Variants in GDPD5 observed in about 807,000 individuals in gnomAD.
GDPD5 encodes the protein glycerophosphodiester phosphodiesterase domain containing 5.
Under a neutral mutation model 75.1 loss-of-function variants are expected in GDPD5, and 48 were observed. That is an observed-to-expected ratio of 0.64 (90% confidence interval 0.51 to 0.81). The LOEUF is 0.81. Among genes scored for constraint, GDPD5 ranks in the 40% least tolerant of loss-of-function variants. GDPD5 has a pLI of 0.00. For missense variants in GDPD5, 706 were observed against 822.6 expected (o/e 0.86, Z 1.73); for synonymous variants, 336 against 339.0 (o/e 0.99, Z 0.10).
rs779528500 is a variant in GDPD5, at chr11:75,435,345, G to A, written c.*162C>T. ...GGCCCAGCTGGGCCTCAGGAGACAG[G>A]GAGTCCCCCTCAAGAGAGGCTGCGG... On this transcript the variant is annotated 3_prime_UTR_variant, in exon 17 of 17. Coordinates refer to ENST00000336898, the MANE Select transcript of GDPD5 (RefSeq NM_030792.8). 240 of 585,388 alleles carry A rather than the reference G, an allele frequency of 4.1e-4. No individual in the cohort carries two copies. The highest frequency in any genetic ancestry group is 6.3e-4 in the Non-Finnish European group (221 of 349,362). The allele number at this position is 585,388 out of a possible 1,614,324, so 36.3% of individuals were successfully genotyped here.
At chr11:75,488,922 T>C (rs991010444) in intron 2 of GDPD5, among the ~76,000 whole-genome samples, 4 of 152,184 alleles carry the variant, frequency 2.6e-5, no homozygotes, top group African/African-American at 9.6e-5. Context: ...CACCTGGTGA[T>C]GGGGACACAA....
intron 12 of GDPD5, among the ~76,000 whole-genome samples, chr11:75,442,097 T>C (rs1041219345): frequency 3.9e-5 from 6 of 152,240 alleles, no homozygotes; most frequent in Admixed American, 3.9e-4. Flanking sequence ...TGATGTCAGA[T>C]TTCTCTGGTC....
chr11:75,447,295 A>G (rs1592069295), intron 9 of GDPD5, among the ~76,000 whole-genome samples: 1 of 152,188 alleles, frequency 6.6e-6, no homozygotes, highest in African/African-American at 2.4e-5. Flanking sequence ...GATATTTTCG[A>G]GACAATAAAA....
intron 1 of GDPD5, among the ~76,000 whole-genome samples, chr11:75,524,603 T>C (rs1941592234): frequency 1.3e-5 from 2 of 152,318 alleles, no homozygotes; most frequent in East Asian, 3.9e-4. Context: ...TGGGGATCTC[T>C]GCAGTGAATT....
intron 7 of GDPD5, 44 bp downstream of exon 7, chr11:75,449,841 A>C (rs1407397061): frequency 3.2e-6 from 5 of 1,579,874 alleles, no homozygotes; most frequent in South Asian, 1.1e-5. Flanking sequence ...GAAGTGACAG[A>C]AAGGCTCTTG....
intron 2 of GDPD5, 69 bp from the exon 3 acceptor site, chr11:75,477,864 T>C (rs1461467458): frequency 2.6e-5 from 15 of 569,356 alleles, no homozygotes; most frequent in Admixed American, 3.2e-5. Context: ...CAGCAAGTCA[T>C]TGTAGCCTAG....
intron 4 of GDPD5, among the ~76,000 whole-genome samples, chr11:75,458,066 T>TC (rs1465965533): frequency 6.6e-6 from 1 of 152,100 alleles, no homozygotes; most frequent in East Asian, 1.9e-4. Context: ...TCCTGTGGGT[T>TC]CCCCCGCCCC....
At chr11:75,465,131 G>A (rs1592097090) in intron 3 of GDPD5, among the ~76,000 whole-genome samples, 3 of 152,158 alleles carry the variant, frequency 2.0e-5, no homozygotes, top group South Asian at 4.1e-4. Context: ...ACACCCATCT[G>A]GTCACGTCAT....
At position 75,499,319 on chromosome 11, in the gene GDPD5, A is replaced by T. The variant is rs546056081; in HGVS notation, c.-144-8999T>A. Among the ~76,000 whole-genome samples, 4 of 150,438 alleles carry T rather than the reference A, an allele frequency of 2.7e-5. No homozygotes were observed. The South Asian group carries it at 6.3e-4, about 24-fold the overall frequency. ...CAGCCATCATCATCTGAGCTGGTTT[A>T]TACCCCCAAATGCCACTGTCCCTTC... On this transcript the variant is annotated intron_variant, in intron 1 of 16. Transcript: ENST00000336898.
intron 1 of GDPD5, among the ~76,000 whole-genome samples, chr11:75,517,798 C>A (rs919536219): frequency 1.3e-5 from 2 of 148,400 alleles, no homozygotes; most frequent in Non-Finnish European, 1.5e-5. Context: ...TGGACACCCT[C>A]CCCTAGATTA....
chr11:75,464,666 C>A (rs1344203163), intron 3 of GDPD5, among the ~76,000 whole-genome samples: 1 of 152,176 alleles, frequency 6.6e-6, no homozygotes, highest in East Asian at 1.9e-4. Flanking sequence ...CACCCTGAGG[C>A]CCAGTATTTC....
intron 1 of GDPD5, among the ~76,000 whole-genome samples, chr11:75,496,020 G>T (rs1950202810): frequency 6.6e-6 from 1 of 152,238 alleles, no homozygotes. Context: ...CTCAGGGGCA[G>T]TGATCACAAC....
chr11:75,501,762 C>T (rs574687548), intron 1 of GDPD5, among the ~76,000 whole-genome samples: 1 of 152,100 alleles, frequency 6.6e-6, no homozygotes, highest in East Asian at 1.9e-4. Flanking sequence ...AGGAGGCCAC[C>T]GGCCCTGCTA....
chr11:75,441,576 G>A (rs1021764651), intron 13 of GDPD5, 70 bp downstream of exon 13: 22 of 1,372,268 alleles, frequency 1.6e-5, no homozygotes, highest in African/African-American at 2.9e-5. Flanking sequence ...GTGTTGGGGG[G>A]TGGTGGTGGC....
At chr11:75,486,792 G>A (rs1950028425) in intron 2 of GDPD5, among the ~76,000 whole-genome samples, 1 of 152,218 alleles carries the variant, frequency 6.6e-6, no homozygotes, top group African/African-American at 2.4e-5. Flanking sequence ...TGACCACTGT[G>A]TAGGGGCTTC....
chr11:75,523,645 T>G (rs1323245614), intron 1 of GDPD5, among the ~76,000 whole-genome samples: 1 of 151,772 alleles, frequency 6.6e-6, no homozygotes, highest in African/African-American at 2.4e-5. Flanking sequence ...TGCTTCACTC[T>G]AGGTTCCAGG....
chr11:75,451,834 C>T (rs1356381722), intron 6 of GDPD5: 1 of 152,256 alleles, frequency 6.6e-6, no homozygotes, highest in East Asian at 1.9e-4. Context: ...CTAATCAACA[C>T]ACTCAGCAGC....
rs113582865 is a variant in GDPD5, at chr11:75,440,031, C to G, written c.1474-70G>C. 2,806 of 1,251,978 alleles carry G rather than the reference C, an allele frequency of 2.2e-3. 8 individuals carry two copies. The highest frequency in any genetic ancestry group is 2.7e-3 in the Non-Finnish European group (2,384 of 867,842). 77.6% of individuals were successfully genotyped at this position (1,251,978 alleles called of 1,614,324 possible). A position where few individuals can be genotyped will look rare whatever the true frequency, so the allele number is the denominator to read the frequency against. On this transcript the variant is annotated intron_variant, in intron 14 of 16. Transcript: ENST00000336898. ...CAGACTGAGGCTCCAGACTGAGGGTCCGTGGACCAAAGGACCCCACATGGC... is the reference window on the plus strand; with the variant it reads ...CAGACTGAGGCTCCAGACTGAGGGTGCGTGGACCAAAGGACCCCACATGGC...
intron 14 of GDPD5, 32 bp downstream of exon 14, chr11:75,441,131 G>A: frequency 1.2e-6 from 2 of 1,608,078 alleles, no homozygotes; most frequent in Non-Finnish European, 1.7e-6. Flanking sequence ...CTCCAGCACT[G>A]CCCCCCAGGG....
Sources: allele counts gnomAD v4.1 joint callset (sites outside exome capture counted in the v4.1 genomes callset), GRCh38; gene constraint gnomAD v4.1.1; transcripts MANE v1.5; gene names NCBI Gene and HGNC (gene_info 2026-07-23, HGNC 2026-07-21).